MACROD2: variants seen among roughly 807,000 people sequenced by gnomAD.
MACROD2 encodes the protein mono-ADP ribosylhydrolase 2.
Under a neutral mutation model 70.4 loss-of-function variants are expected in MACROD2, and 36 were observed. The ratio of observed to expected loss-of-function variants is 0.51; its 90% CI spans 0.39 to 0.68. The LOEUF is 0.68. Among genes scored for constraint, MACROD2 ranks in the 30% least tolerant of loss-of-function variants. MACROD2 has a pLI of 0.00. For missense variants in MACROD2, 496 were observed against 538.4 expected, an observed-to-expected ratio of 0.92 and a Z score of 0.78; for synonymous variants, 172 against 178.8, an observed-to-expected ratio of 0.96 and a Z score of 0.30.
At chr20:16,047,595 G>T (rs919094758) in intron 17 of MACROD2, among the ~76,000 whole-genome samples, 1 of 152,148 alleles carries the variant, frequency 6.6e-6, no homozygotes, top group Non-Finnish European at 1.5e-5. Flanking sequence ...AGAAGCCCAG[G>T]TTATCCTATA....
intron 3 of MACROD2, among the ~76,000 whole-genome samples, chr20:14,448,100 A>G (rs933694720): frequency 2.8e-4 from 43 of 151,680 alleles, no homozygotes; most frequent in Non-Finnish European, 3.5e-4. Context: ...GTATTAGTCA[A>G]GTGAGAACTT....
intron 7 of MACROD2, among the ~76,000 whole-genome samples, chr20:15,494,707 A>G (rs1391356479): frequency 6.7e-6 from 1 of 149,734 alleles, no homozygotes; most frequent in African/African-American, 2.5e-5. Context: ...GGGTATTAGA[A>G]GTATCTTATA....
intron 5 of MACROD2, among the ~76,000 whole-genome samples, chr20:14,805,762 AT>A (rs778094229): frequency 7.3e-5 from 11 of 151,294 alleles, no homozygotes; most frequent in Non-Finnish European, 1.3e-4. Flanking sequence ...TCTTCCGAAC[AT>A]TTTTTTTTCC....
chr20:14,985,098 A>G (rs1848526696), intron 5 of MACROD2, among the ~76,000 whole-genome samples: 2 of 152,154 alleles, frequency 1.3e-5, no homozygotes, highest in African/African-American at 4.8e-5. Flanking sequence ...GGAAGGAATC[A>G]AGCATATTCC....
intron 8 of MACROD2, among the ~76,000 whole-genome samples, chr20:15,635,803 C>T (rs1381740254): frequency 2.0e-5 from 3 of 151,856 alleles, no homozygotes; most frequent in African/African-American, 7.3e-5. Flanking sequence ...CACGGTGGCT[C>T]ACACCTGTAA....
At chr20:14,846,248 T>C (rs2073138716) in intron 5 of MACROD2, among the ~76,000 whole-genome samples, 2 of 152,114 alleles carry the variant, frequency 1.3e-5, no homozygotes, top group Admixed American at 1.3e-4. Flanking sequence ...AGACGGAGTC[T>C]CGCACTGCAC....
At chr20:16,046,358 T>C (rs2067381597) in intron 17 of MACROD2, among the ~76,000 whole-genome samples, 1 of 152,020 alleles carries the variant, frequency 6.6e-6, no homozygotes, top group Non-Finnish European at 1.5e-5. Flanking sequence ...TTTCTTTATA[T>C]ATTTAAAATA....
intron 3 of MACROD2, among the ~76,000 whole-genome samples, chr20:14,480,438 C>A (rs951734772): frequency 1.3e-5 from 2 of 152,150 alleles, no homozygotes; most frequent in African/African-American, 4.8e-5. Context: ...TCTCTTATTA[C>A]CTATTGCTGC....
intron 10 of MACROD2, among the ~76,000 whole-genome samples, chr20:15,911,518 A>G (rs2065237106): frequency 6.6e-6 from 1 of 151,210 alleles, no homozygotes. Context: ...ACTACTTAAA[A>G]GCCCCACCTC....
chr20:15,571,796 TCAGA>T (rs1476797635), intron 8 of MACROD2, among the ~76,000 whole-genome samples: 5 of 152,238 alleles, frequency 3.3e-5, no homozygotes, highest in African/African-American at 1.2e-4. Flanking sequence ...GATTACTTGG[TCAGA>T]CAGATAGGGG....
rs567557976 is a variant in MACROD2 at position 14,437,319 on chromosome 20, A to T, written c.272-56160A>T. On this transcript the variant is annotated intron_variant, in intron 3 of 17. Transcript: ENST00000684519. The stretch of plus-strand genomic sequence containing the variant: ...TTTTAAAAAGGGTTTCTTGGGCCGG[A>T]TGCAGTGGCTCACACCTGTAATCCC... 2.0e-5 allele frequency among the ~76,000 whole-genome samples: 3 copies of T among 152,056 alleles called. No homozygotes were observed. In the East Asian group the frequency reaches 5.8e-4, roughly 29 times the overall value.
intron 15 of MACROD2, among the ~76,000 whole-genome samples, chr20:16,035,307 TAA>T (rs1427334538): frequency 6.6e-6 from 1 of 151,000 alleles, no homozygotes; most frequent in Non-Finnish European, 1.5e-5. Context: ...TGTGCTGCTA[TAA>T]ACATGCATGT....
chr20:16,031,042 A>G (rs1285807099), intron 15 of MACROD2, among the ~76,000 whole-genome samples: 2 of 152,166 alleles, frequency 1.3e-5, no homozygotes, highest in Non-Finnish European at 2.9e-5. Flanking sequence ...AGAAGAATAC[A>G]TAGTTAAATT....
intron 5 of MACROD2, among the ~76,000 whole-genome samples, chr20:14,786,548 C>T (rs567794846): frequency 6.8e-6 from 1 of 148,140 alleles, no homozygotes; most frequent in Non-Finnish European, 1.5e-5. Flanking sequence ...CTAAGGGATT[C>T]GTTATCAGAA....
chr20:14,862,187 A>G (rs1300003714), intron 5 of MACROD2, among the ~76,000 whole-genome samples: 6 of 9,192 alleles, frequency 6.5e-4, no homozygotes, highest in Non-Finnish European at 1.2e-3. Context: ...ATAAATATAT[A>G]TTTATACATA....
At chr20:15,677,664 C>A (rs2050080585) in intron 8 of MACROD2, among the ~76,000 whole-genome samples, 2 of 20,814 alleles carry the variant, frequency 9.6e-5, no homozygotes, top group African/African-American at 4.6e-4. Context: ...TCAGGAAAAC[C>A]AACCAACCAA....
In MACROD2 at chr20:15,700,007, T is replaced by G. The variant is rs1230474531; in HGVS notation, c.646-162738T>G. On this transcript the variant is annotated intron_variant, in intron 8 of 17. Coordinates refer to ENST00000684519, the MANE Select transcript of MACROD2 (RefSeq NM_001351661.2). Reference sequence around the variant, plus strand: ...TCAGCTCCAGGTAAAGTCAGAAATTTCTGCAAACAGACCTTCAGCTTCTCC... The same window carrying G: ...TCAGCTCCAGGTAAAGTCAGAAATTGCTGCAAACAGACCTTCAGCTTCTCC... 2.6e-5 allele frequency among the ~76,000 whole-genome samples: 4 copies of G among 152,268 alleles called. No individual in the cohort carries two copies. The East Asian group carries it at 7.7e-4, about 29-fold the overall frequency.
At chr20:15,565,043 C>T (rs2048292967) in intron 8 of MACROD2, among the ~76,000 whole-genome samples, 1 of 152,258 alleles carries the variant, frequency 6.6e-6, no homozygotes, top group East Asian at 1.9e-4. Flanking sequence ...CCAGTTAGCT[C>T]TGGGATATCA....
rs575994484 is a variant in MACROD2 at position 14,154,817 on chromosome 20, A to G, written c.271+69089A>G. ...AGCTGTTCATCTTCCCTTGGGCCAC[A>G]AGCCTGTATAATAACTCATTTCACT... On this transcript the variant is annotated intron_variant, in intron 3 of 17. Coordinates refer to ENST00000684519, the MANE Select transcript of MACROD2 (RefSeq NM_001351661.2). Among the ~76,000 whole-genome samples, 26 of 152,224 alleles carry G rather than the reference A, an allele frequency of 1.7e-4. No homozygotes were observed. The South Asian group carries it at 5.2e-3, about 30-fold the overall frequency.
Sources: allele counts gnomAD v4.1 joint callset (sites outside exome capture counted in the v4.1 genomes callset), GRCh38; gene constraint gnomAD v4.1.1; transcripts MANE v1.5; gene names NCBI Gene and HGNC (gene_info 2026-07-23, HGNC 2026-07-21).